Variants in STXBP5L observed in about 807,000 individuals in gnomAD.
STXBP5L encodes syntaxin binding protein 5L, also known as syntaxin-binding protein 5-like.
A neutral mutation model predicts 144.5 loss-of-function variants in STXBP5L; 65 were observed. That is an observed-to-expected ratio of 0.45 (90% CI 0.37 to 0.55). STXBP5L has a LOEUF of 0.55. Ranked by LOEUF, STXBP5L falls within the 20% of genes least tolerant of loss-of-function variation. The pLI is 0.00. For synonymous variants in STXBP5L, 505 were observed against 469.6 expected (o/e 1.08, Z -0.97); for missense variants, 1,298 against 1,405.5 (o/e 0.92, Z 1.22).
At chr3:121,391,464 G>A (rs913382482) in intron 22 of STXBP5L, among the ~76,000 whole-genome samples, 3 of 152,174 alleles carry the variant, frequency 2.0e-5, no homozygotes, top group Non-Finnish European at 2.9e-5. Flanking sequence ...GAAGAGAAGA[G>A]GGGCTCTGAT....
At chr3:121,081,863 A>G (rs1008514699) in intron 5 of STXBP5L, among the ~76,000 whole-genome samples, 2 of 152,226 alleles carry the variant, frequency 1.3e-5, no homozygotes, top group Admixed American at 1.3e-4. Context: ...CTGCCAGACT[A>G]GCAGGAAAGC....
chr3:120,942,176 TA>T (rs1710599298), intron 2 of STXBP5L, among the ~76,000 whole-genome samples: 1 of 151,724 alleles, frequency 6.6e-6, no homozygotes, highest in Non-Finnish European at 1.5e-5. Context: ...AAAGATATTT[TA>T]TTAGCAGCTC....
At chr3:121,138,557 G>T (rs2045360878) in intron 7 of STXBP5L, among the ~76,000 whole-genome samples, 1 of 152,050 alleles carries the variant, frequency 6.6e-6, no homozygotes, top group Admixed American at 6.6e-5. Context: ...CATAAAAACA[G>T]ATACATAGGC....
rs138772233 is a variant in STXBP5L at position 121,127,056 on chromosome 3, T to A, written c.669+5352T>A. Among the ~76,000 whole-genome samples, 231 of 152,090 alleles carry A rather than the reference T, an allele frequency of 1.5e-3. 3 individuals are homozygous for A. The highest frequency in any genetic ancestry group is 3.3e-3 in the South Asian group (16 of 4,830). ...GATTCCAAAGATTAGAGTGTGGGTG[T>A]CTTTGGGAGTCCTTTATTCTTCCTA... is the stretch of plus-strand genomic sequence containing the variant. On this transcript the variant is annotated intron_variant, in intron 7 of 26. Transcript: ENST00000471454.
At chr3:121,155,041 C>A (rs2046065735) in intron 8 of STXBP5L, among the ~76,000 whole-genome samples, 1 of 151,798 alleles carries the variant, frequency 6.6e-6, no homozygotes, top group Admixed American at 6.6e-5. Flanking sequence ...ATCACAACCA[C>A]TTTTCCTTTG....
chr3:120,913,027 A>T (rs1044990774), intron 2 of STXBP5L, among the ~76,000 whole-genome samples: 2 of 151,950 alleles, frequency 1.3e-5, no homozygotes, highest in East Asian at 3.8e-4. Flanking sequence ...CCTCTATGAG[A>T]CTAGCTCTGA....
rs1490865901 is a variant in STXBP5L, at chr3:121,045,289, G to GTT, written c.370-144_370-143dup. The GTT allele has an allele frequency of 7.5e-5, 51 of 676,164 alleles. 1 individual carries two copies. The South Asian group carries it at 1.3e-3, about 17-fold the overall frequency. 41.9% of individuals were successfully genotyped at this position (676,164 alleles called of 1,614,324 possible). On this transcript the variant is annotated intron_variant, in intron 4 of 26. Coordinates refer to ENST00000471454, the MANE Select transcript of STXBP5L (RefSeq NM_001308330.2). ...AGCATTCTTACCCTTCCTGATTGAA[G>GTT]TTTATGCACCTATCCTTCCTTATAT...
At chr3:121,065,658 T>G (rs931940231) in intron 5 of STXBP5L, among the ~76,000 whole-genome samples, 15 of 152,322 alleles carry the variant, frequency 9.8e-5, no homozygotes, top group African/African-American at 2.9e-4. Flanking sequence ...TCCTTCTTTT[T>G]CAGCCTCCCA....
At chr3:120,946,694 G>A (rs1710875945) in intron 2 of STXBP5L, among the ~76,000 whole-genome samples, 1 of 151,704 alleles carries the variant, frequency 6.6e-6, no homozygotes, top group Non-Finnish European at 1.5e-5. Flanking sequence ...CTTTGCCAAA[G>A]TACTGCTGTT....
chr3:120,933,238 C>T (rs1710061004), intron 2 of STXBP5L, among the ~76,000 whole-genome samples: 1 of 152,074 alleles, frequency 6.6e-6, no homozygotes, highest in Admixed American at 6.6e-5. Flanking sequence ...AAAAATCCTA[C>T]AGGAAGCTCT....
At chr3:121,140,957 C>T (rs755745108) in intron 7 of STXBP5L, among the ~76,000 whole-genome samples, 13 of 151,798 alleles carry the variant, frequency 8.6e-5, no homozygotes, top group Non-Finnish European at 1.5e-4. Context: ...TTTAACCATT[C>T]CACAATGTAT....
intron 20 of STXBP5L, among the ~76,000 whole-genome samples, chr3:121,353,288 T>C (rs931245582): frequency 6.6e-6 from 1 of 152,212 alleles, no homozygotes; most frequent in Non-Finnish European, 1.5e-5. Flanking sequence ...TCTGGTAGAA[T>C]TTGTCTGTGA....
intron 3 of STXBP5L, among the ~76,000 whole-genome samples, chr3:120,992,357 T>G (rs544041996): frequency 1.1e-4 from 17 of 152,226 alleles, no homozygotes; most frequent in African/African-American, 4.1e-4. Context: ...TTGTTTTTAA[T>G]TATAATCACC....
At chr3:121,245,355 A>C (rs753567018) in intron 14 of STXBP5L, among the ~76,000 whole-genome samples, 2 of 151,432 alleles carry the variant, frequency 1.3e-5, no homozygotes, top group Non-Finnish European at 2.9e-5. Flanking sequence ...ACTAAAAAAA[A>C]AAAACAAAAC....
Position 121,407,358 on chromosome 3 carries a change from T to C in STXBP5L, c.2703T>C (p.Asn901=), listed in dbSNP as rs1325463713. ...VWRDPNNIDE[N]EKSWRRKVVM... ...GGGATCCAAACAACATAGATGAAAA[T>C]GAAAAATCTTGGAGAAGGAAAGTGG... is the stretch of plus-strand genomic sequence containing the variant. Residue 901 remains asparagine (N), a synonymous_variant, in exon 23 of 27, where the codon AAT becomes AAC. Coordinates refer to ENST00000471454, the MANE Select transcript of STXBP5L (RefSeq NM_001308330.2). The C allele has an allele frequency of 8.7e-6, 14 of 1,612,684 alleles. No individual in the cohort carries two copies. The highest frequency in any genetic ancestry group is 1.2e-5 in the Non-Finnish European group (14 of 1,179,294).
intron 3 of STXBP5L, among the ~76,000 whole-genome samples, chr3:121,028,529 C>A (rs778599494): frequency 1.2e-4 from 18 of 152,008 alleles, no homozygotes; most frequent in Admixed American, 9.9e-4. Context: ...CCCAGGTTGT[C>A]CCTTACATTT....
chr3:121,144,049 A>G (rs1218598225), intron 7 of STXBP5L, among the ~76,000 whole-genome samples: 1 of 151,778 alleles, frequency 6.6e-6, no homozygotes, highest in African/African-American at 2.4e-5. Context: ...GTGAAAACAC[A>G]ATGTAGAGAA....
rs540336132 is a variant in STXBP5L at position 121,121,683 on chromosome 3, T to C, written c.648T>C (p.Asp216=). ...CAGGTCCAGTTGTACATTTAAGCGATAGCCCAAGAGATGAAGGCAAAGTGA... is the reference window on the plus strand; with the variant it reads ...CAGGTCCAGTTGTACATTTAAGCGACAGCCCAAGAGATGAAGGCAAAGTGA... ...THPGPVVHLS[D]SPRDEGKLLI... is the part of the protein sequence containing the mutation. The change falls in exon 7 of 27, where the codon GAT becomes GAC. Residue 216 remains aspartate, a synonymous_variant. Transcript: ENST00000471454. 9.3e-6 allele frequency: 15 copies of C among 1,604,314 alleles called. No homozygotes were observed. Among genetic ancestry groups the C allele is most frequent in the Non-Finnish European group, 1.3e-5 (15 of 1,172,910 alleles).
At chr3:121,375,689 A>G (rs1256110135) in intron 20 of STXBP5L, among the ~76,000 whole-genome samples, 1 of 152,210 alleles carries the variant, frequency 6.6e-6, no homozygotes, top group Non-Finnish European at 1.5e-5. Context: ...TTAAATGGTG[A>G]AAACTAATTT....
Sources: gnomAD v4.1 joint callset for allele counts (sites outside exome capture counted in the v4.1 genomes callset) on GRCh38, gnomAD v4.1.1 for gene constraint, MANE v1.5 for transcripts, NCBI Gene and HGNC (gene_info 2026-07-23, HGNC 2026-07-21) for gene names.